DPP10: variants seen among roughly 807,000 people sequenced by gnomAD.
The protein encoded by DPP10 is inactive dipeptidyl peptidase 10.
DPP10 carries 33 observed loss-of-function variants against 120.9 expected under a neutral mutation model. The ratio of observed to expected loss-of-function variants is 0.27; its 90% CI spans 0.21 to 0.37. The LOEUF (loss-of-function observed/expected upper bound fraction) is 0.37, where lower values mean the gene tolerates loss of function less well. DPP10 is among the 10% of genes least tolerant of loss of function. The pLI, the probability that DPP10 is intolerant of heterozygous loss-of-function variation, is 1.00. For missense variants in DPP10, 816 were observed against 942.8 expected (o/e 0.87, Z 1.76); for synonymous variants, 337 against 326.1 (o/e 1.03, Z -0.36).
intron 1 of DPP10, among the ~76,000 whole-genome samples, chr2:114,689,243 C>T (rs1195556317): frequency 1.4e-5 from 2 of 144,392 alleles, no homozygotes; most frequent in African/African-American, 5.1e-5. Context: ...CCTTACCACC[C>T]TGCGACAGAC....
chr2:115,468,304 G>C (rs1262839959), intron 3 of DPP10: 1 of 514,646 alleles, frequency 1.9e-6, no homozygotes, highest in African/African-American at 1.9e-5. Context: ...ACTGGCCAGA[G>C]GGCTCTGCCA....
chr2:114,849,290 C>T (rs1432842129), intron 1 of DPP10, among the ~76,000 whole-genome samples: 1 of 152,034 alleles, frequency 6.6e-6, no homozygotes, highest in Non-Finnish European at 1.5e-5. Flanking sequence ...CTTTGCTTTG[C>T]TGTCTTCTAT....
chr2:114,732,755 G>A (rs557460320), intron 1 of DPP10, among the ~76,000 whole-genome samples: 28 of 152,272 alleles, frequency 1.8e-4, no homozygotes, highest in African/African-American at 6.0e-4. Flanking sequence ...AATAATGGCC[G>A]ATAGTATACT....
intron 5 of DPP10, among the ~76,000 whole-genome samples, chr2:115,607,039 G>A (rs1425846740): frequency 2.0e-5 from 3 of 152,108 alleles, no homozygotes; most frequent in Non-Finnish European, 4.4e-5. Flanking sequence ...GGTAGGGAAG[G>A]CAAGGATCCT....
At chr2:115,787,986 C>A (rs990469319) in intron 17 of DPP10, among the ~76,000 whole-genome samples, 1 of 151,950 alleles carries the variant, frequency 6.6e-6, no homozygotes, top group Non-Finnish European at 1.5e-5. Context: ...GAAAAACAAA[C>A]CTAGAAGATA....
At chr2:114,963,554 C>T (rs1370950862) in intron 1 of DPP10, among the ~76,000 whole-genome samples, 1 of 152,062 alleles carries the variant, frequency 6.6e-6, no homozygotes, top group Non-Finnish European at 1.5e-5. Context: ...TTATAGATTC[C>T]CTTCTCTACA....
At chr2:114,527,146 A>G (rs147716400) in intron 1 of DPP10, among the ~76,000 whole-genome samples, 8 of 152,300 alleles carry the variant, frequency 5.3e-5, no homozygotes, top group African/African-American at 1.7e-4. Flanking sequence ...AGATATAATT[A>G]TGGTTGTGAG....
At chr2:115,728,525 T>C (rs552177796) in intron 8 of DPP10, among the ~76,000 whole-genome samples, 25 of 152,166 alleles carry the variant, frequency 1.6e-4, no homozygotes, top group Non-Finnish European at 2.6e-4. Context: ...GTTCTACATA[T>C]AGATTGCCTG....
intron 1 of DPP10, among the ~76,000 whole-genome samples, chr2:114,594,172 A>G (rs907696746): frequency 3.3e-5 from 5 of 151,968 alleles, no homozygotes; most frequent in African/African-American, 1.2e-4. Context: ...AGGCAGAAAA[A>G]TGTGAAAAGG....
At chr2:114,553,551 G>A (rs1487806592) in intron 1 of DPP10, among the ~76,000 whole-genome samples, 2 of 152,284 alleles carry the variant, frequency 1.3e-5, no homozygotes, top group Admixed American at 6.5e-5. Context: ...TTCAAGAGAG[G>A]CGAGTGGTTT....
Position 115,768,198 on chromosome 2 carries a change from A to T in DPP10, c.1114-99A>T, listed in dbSNP as rs1458578117. ...GTGCCCATTTTCCTAACTAATTATA[A>T]ATCAATATTTGGTATAACCCATGCA... On this transcript the variant is annotated intron_variant, in intron 12 of 25. Transcript: ENST00000410059. 3 of 949,068 alleles carry T rather than the reference A, an allele frequency of 3.2e-6. No homozygotes were observed. In the East Asian group the frequency reaches 8.3e-5, roughly 26 times the overall value. The allele number at this position is 949,068 out of a possible 1,614,324, so 58.8% of individuals were successfully genotyped here.
chr2:114,708,433 A>G (rs1315259780), intron 1 of DPP10, among the ~76,000 whole-genome samples: 2 of 152,216 alleles, frequency 1.3e-5, no homozygotes, highest in African/African-American at 4.8e-5. Context: ...AAACTACAGC[A>G]GAAGGGGGAA....
chr2:115,751,804 T>G (rs1678754842), intron 10 of DPP10, among the ~76,000 whole-genome samples: 1 of 132,910 alleles, frequency 7.5e-6, no homozygotes, highest in Non-Finnish European at 1.6e-5. Flanking sequence ...TTTTTTGTTG[T>G]TTTTTTTTTT....
In DPP10 at chr2:115,242,058, T is replaced by C. The variant is rs141518397; in HGVS notation, c.61-67181T>C. Among the ~76,000 whole-genome samples the C allele has an allele frequency of 5.8e-3, 890 of 152,178 alleles. 1 individual carries two copies. The highest frequency in any genetic ancestry group is 0.017 in the African/African-American group (708 of 41,518). On this transcript the variant is annotated intron_variant, in intron 1 of 25. Coordinates refer to ENST00000410059, the MANE Select transcript of DPP10 (RefSeq NM_020868.6). ...GGCAGGTAGTATTTGGTTGCATGAG[T>C]AAGTTCTTTAGTGGTGATTTGTGAG...
intron 24 of DPP10, among the ~76,000 whole-genome samples, chr2:115,838,354 G>A (rs931269167): frequency 2.0e-5 from 3 of 152,086 alleles, no homozygotes; most frequent in Non-Finnish European, 4.4e-5. Context: ...TGTGCTAAAA[G>A]CATTTAATAT....
rs560748615 is a variant in DPP10 at position 115,050,750 on chromosome 2, G to A, written c.61-258489G>A. 1.4e-3 allele frequency among the ~76,000 whole-genome samples: 216 copies of A among 152,270 alleles called. 1 individual carries two copies. The highest frequency in any genetic ancestry group is 4.7e-3 in the Admixed American group (72 of 15,296). ...CCACTGACTAACCTTCGGTCTCTGC[G>A]CTGGCAAGAAGTGAATGCTAGGGCA... is the stretch of plus-strand genomic sequence containing the variant. On this transcript the variant is annotated intron_variant, in intron 1 of 25. Coordinates refer to ENST00000410059, the MANE Select transcript of DPP10 (RefSeq NM_020868.6).
At chr2:115,470,719 C>CT (rs1411478876) in intron 3 of DPP10, among the ~76,000 whole-genome samples, 1 of 151,976 alleles carries the variant, frequency 6.6e-6, no homozygotes, top group Non-Finnish European at 1.5e-5. Flanking sequence ...ATTGCTTGTT[C>CT]TTTTCAAAAT....
chr2:114,722,275 A>G (rs925830373), intron 1 of DPP10, among the ~76,000 whole-genome samples: 18 of 152,110 alleles, frequency 1.2e-4, no homozygotes, highest in African/African-American at 3.6e-4. Context: ...GCACTACACT[A>G]TTTTTGTCAA....
chr2:114,959,712 A>G (rs867587405), intron 1 of DPP10, among the ~76,000 whole-genome samples: 11 of 152,208 alleles, frequency 7.2e-5, no homozygotes, highest in Admixed American at 5.2e-4. Context: ...CATGTTCTCC[A>G]CATTTTCATC....
Sources: gnomAD v4.1 joint callset for allele counts (sites outside exome capture counted in the v4.1 genomes callset) on GRCh38, gnomAD v4.1.1 for gene constraint, MANE v1.5 for transcripts, NCBI Gene and HGNC (gene_info 2026-07-23, HGNC 2026-07-21) for gene names.